STARD9: variants seen among roughly 807,000 people sequenced by gnomAD.
STARD9 encodes stAR-related lipid transfer protein 9.
A neutral mutation model predicts 399.8 loss-of-function variants in STARD9; 346 were observed. The observed-to-expected ratio is 0.87, with a 90% CI of 0.79 to 0.95. STARD9 has a LOEUF of 0.95. Among genes scored for constraint, STARD9 ranks in the 40% least tolerant of loss-of-function variants. The pLI, the probability that STARD9 is intolerant of heterozygous loss-of-function variation, is 0.00. For missense variants in STARD9, 5,832 were observed against 5,667.5 expected (o/e 1.03, Z -0.93); for synonymous variants, 2,203 against 2,143.5 (o/e 1.03, Z -0.77).
At position 42,694,621 on chromosome 15, in the gene STARD9, G is replaced by T. The variant is rs1454760800; in HGVS notation, c.12858G>T (p.Leu4286=). 2.6e-6 allele frequency: 4 copies of T among 1,537,220 alleles called. No homozygotes were observed. The East Asian group carries it at 9.8e-5, about 38-fold the overall frequency. ...RTRSLSPQKQ[L]SLLPNKDLFI... is the part of the protein sequence containing the mutation. ...GAAGCCTTAGCCCTCAGAAACAACT[G>T]AGCCTCCTGCCCAACAAAGATCTCT... Residue 4286 remains leucine, a synonymous_variant, in exon 24 of 33, where the codon CTG becomes CTT. Transcript: ENST00000290607.
chr15:42,614,305 C>CA lies in STARD9; in HGVS notation c.235-20537dup, dbSNP rs542999101. The stretch of plus-strand genomic sequence containing the variant: ...CAGCCTGGTGACAGAGCGAGACTGT[C>CA]AAAAAAAAAAAAAATTATAAGAAGG... On this transcript the variant is annotated intron_variant, in intron 3 of 32. Transcript: ENST00000290607. Among the ~76,000 whole-genome samples, 647 of 107,532 alleles carry CA rather than the reference C, an allele frequency of 6.0e-3. 2 individuals carry two copies. The highest frequency in any genetic ancestry group is 0.031 in the South Asian group (111 of 3,590). The allele number at this position is 107,532 out of a possible 152,430, so 70.5% of individuals were successfully genotyped here. A position where few individuals can be genotyped will look rare whatever the true frequency, so the allele number is the denominator to read the frequency against.
At chr15:42,638,232 G>A (rs2059456602) in intron 6 of STARD9, 145 bp downstream of exon 6, 1 of 729,562 alleles carries the variant, frequency 1.4e-6, no homozygotes, top group East Asian at 2.7e-5. Flanking sequence ...TACAAGAGCT[G>A]AGAAAGATAC....
In STARD9 at chr15:42,688,430, C is replaced by CA. The variant is rs2060613256; in HGVS notation, c.6853dup (p.Ser2285LysfsTer7). 1 of 1,537,580 alleles carries CA rather than the reference C, an allele frequency of 6.5e-7. No homozygotes were observed. The highest frequency in any genetic ancestry group is 8.7e-7 in the Non-Finnish European group (1 of 1,147,036). On this transcript the variant is annotated frameshift_variant, in exon 23 of 33. Transcript: ENST00000290607. LOFTEE classifies it high-confidence loss of function. ...AAGAAATGCCTATGCAAAGGGGAGG[C>CA]AGCCTTCAGGAAGAAAATAAAGTGA...
At position 42,718,788 on chromosome 15, in the gene STARD9, G is replaced by A. The variant is rs1267994681; in HGVS notation, c.13879G>A (p.Asp4627Asn). 6.5e-7 allele frequency: 1 copy of A among 1,537,272 alleles called. No homozygotes were observed. Among genetic ancestry groups the A allele is most frequent in the South Asian group, 1.2e-5 (1 of 84,068 alleles). ...TGTCATGGCAGCCCAGTCTGTGTAT[G>A]ATACATCCATGCCAAGACCCAGCAG... The part of the protein sequence containing the change: ...LSVMAAQSVY[D>N]TSMPRPSRKM... The change falls in exon 32 of 33, where the codon GAT becomes AAT. Residue 4627 changes from aspartate (D) to asparagine (N), a missense_variant. This residue lies in a region of STARD9 where 5,828 missense variants were observed against 5,651.1 expected (regional missense o/e 1.03). Transcript: ENST00000290607.
chr15:42,685,269 C>T lies in STARD9; in HGVS notation c.3691C>T (p.Pro1231Ser), dbSNP rs1041552681. ...EPFPGSADEIPTETFWHLEDS... is the reference protein window; with the variant it reads ...EPFPGSADEISTETFWHLEDS... ...TTTCCCTGGTTCAGCTGACGAGATA[C>T]CCACAGAGACTTTTTGGCACCTGGA... is the stretch of plus-strand genomic sequence containing the variant. Residue 1231 changes from proline to serine, a missense_variant, in exon 23 of 33, where the codon CCC becomes TCC. Coordinates refer to ENST00000290607, the MANE Select transcript of STARD9 (RefSeq NM_020759.3). 29 of 1,537,392 alleles carry T rather than the reference C, an allele frequency of 1.9e-5. No homozygotes were observed. The highest frequency in any genetic ancestry group is 2.4e-5 in the Non-Finnish European group (27 of 1,146,990).
At chr15:42,640,311 A>G (rs1029354292) in intron 7 of STARD9, among the ~76,000 whole-genome samples, 2 of 152,210 alleles carry the variant, frequency 1.3e-5, no homozygotes, top group Admixed American at 6.5e-5. Context: ...GGATGACGCA[A>G]TAGGTATGCT....
chr15:42,626,447 C>T (rs1299991676), intron 3 of STARD9, among the ~76,000 whole-genome samples: 1 of 149,742 alleles, frequency 6.7e-6, no homozygotes, highest in Admixed American at 6.7e-5. Flanking sequence ...CCTTCTCCTC[C>T]TCCTCTTCCT....
chr15:42,643,680 T>A (rs538454364), intron 7 of STARD9, among the ~76,000 whole-genome samples: 5 of 152,168 alleles, frequency 3.3e-5, no homozygotes, highest in Admixed American at 2.0e-4. Context: ...TTTTGTATTT[T>A]AGTAGAGGTG....
intron 29 of STARD9, 51 bp from the exon 30 acceptor site, chr15:42,717,926 G>A: frequency 1.3e-6 from 2 of 1,523,580 alleles, no homozygotes; most frequent in Non-Finnish European, 1.8e-6. Context: ...GTGACCCTTA[G>A]AGCCCATTTT....
At chr15:42,588,776 GTTTTTTTTTTTTTT>G (rs758570571) in intron 3 of STARD9, among the ~76,000 whole-genome samples, 9 of 38,404 alleles carry the variant, frequency 2.3e-4, no homozygotes, top group African/African-American at 1.1e-3. Context: ...TCTTCACAGC[GTTTTTTTTTTTTTT>G]TTTTTTTTTT....
intron 3 of STARD9, among the ~76,000 whole-genome samples, chr15:42,599,081 G>A (rs2058572878): frequency 1.3e-5 from 2 of 152,014 alleles, no homozygotes; most frequent in East Asian, 1.9e-4. Context: ...CCACCACCAT[G>A]CCTGGCTAAT....
intron 1 of STARD9, among the ~76,000 whole-genome samples, chr15:42,580,509 G>A (rs1440850651): frequency 6.6e-6 from 1 of 152,132 alleles, no homozygotes; most frequent in Non-Finnish European, 1.5e-5. Context: ...GGGTATGAGG[G>A]TGGCTCTCAA....
Position 42,692,857 on chromosome 15 carries a change from T to A in STARD9, c.11279T>A (p.Ile3760Asn). 1 of 1,537,186 alleles carries A rather than the reference T, an allele frequency of 6.5e-7. No homozygotes were observed. Among genetic ancestry groups the A allele is most frequent in the Non-Finnish European group, 8.7e-7 (1 of 1,146,904 alleles). Residue 3760 changes from isoleucine to asparagine, a missense_variant, in exon 23 of 33, where the codon ATC (isoleucine) becomes AAC (asparagine). Ile to Asn is a moderately radical substitution (Grantham distance 149). This residue lies in a region of STARD9 where 5,828 missense variants were observed against 5,651.1 expected (regional missense o/e 1.03). Transcript: ENST00000290607. ...GCTGAACCTCAGGGAGCCAATGTGA[T>A]CCTTGAAGGGCTAGGCTCAGATACC... Reference protein sequence around the residue: ...SEAEPQGANVILEGLGSDTST... With the variant: ...SEAEPQGANVNLEGLGSDTST...
Position 42,634,913 on chromosome 15 carries a change from T to C in STARD9, c.292T>C (p.Cys98Arg), listed in dbSNP as rs1566891409. The C allele has an allele frequency of 2.6e-6, 4 of 1,537,140 alleles. No individual in the cohort carries two copies. Among genetic ancestry groups the C allele is most frequent in the East Asian group, 2.4e-5 (1 of 40,890 alleles). Residue 98 changes from cysteine (C) to arginine (R), a missense_variant, in exon 4 of 33, where the codon TGC (cysteine) becomes CGC (arginine). By Grantham distance (180) the Cys-to-Arg change is radical (BLOSUM62 -3). Coordinates refer to ENST00000290607, the MANE Select transcript of STARD9 (RefSeq NM_020759.3). ...TGGAGTTGCCAAAGGCTATAACATATGCCTTTTTGCTTATGGACAGACAGG... is the reference window on the plus strand; with the variant it reads ...TGGAGTTGCCAAAGGCTATAACATACGCCTTTTTGCTTATGGACAGACAGG... ...LSGVAKGYNI[C>R]LFAYGQTGSG...
intron 26 of STARD9, among the ~76,000 whole-genome samples, chr15:42,710,105 G>A (rs148562256): frequency 1.4e-5 from 2 of 148,006 alleles, no homozygotes; most frequent in African/African-American, 5.1e-5. Context: ...TGTTGCCCAG[G>A]CTAGAGTGCA....
intron 3 of STARD9, among the ~76,000 whole-genome samples, chr15:42,612,634 G>C (rs756135004): frequency 2.0e-4 from 31 of 152,150 alleles, no homozygotes; most frequent in Non-Finnish European, 3.4e-4. Flanking sequence ...GATCTCACAT[G>C]CTACTCGGAC....
chr15:42,691,428 G>A lies in STARD9; in HGVS notation c.9850G>A (p.Ala3284Thr), dbSNP rs1044796344. 1 of 1,537,242 alleles carries A rather than the reference G, an allele frequency of 6.5e-7. No individual in the cohort carries two copies. The highest frequency in any genetic ancestry group is 2.0e-5 in the Admixed American group (1 of 51,010). The change falls in exon 23 of 33, where the codon GCT becomes ACT. Residue 3284 changes from alanine to threonine, a missense_variant. Physicochemically the swap from Ala to Thr is moderately conservative, Grantham distance 58. Around this residue, in one of 2 missense-constraint regions of STARD9, gnomAD observed 5,828 missense variants for 5,651.1 expected, o/e 1.03. Coordinates refer to ENST00000290607, the MANE Select transcript of STARD9 (RefSeq NM_020759.3). ...SLRQNETPQP[A>T]AQRSGHLYTG... is the part of the protein sequence containing the mutation. ...GAGGCAAAATGAAACACCGCAGCCT[G>A]CTGCTCAGAGGAGTGGCCACCTCTA...
chr15:42,692,679 C>T lies in STARD9; in HGVS notation c.11101C>T (p.Pro3701Ser). The change falls in exon 23 of 33, where the codon CCA (proline) becomes TCA (serine). Residue 3701 changes from proline to serine, a missense_variant. Around this residue, in one of 2 missense-constraint regions of STARD9, gnomAD observed 5,828 missense variants for 5,651.1 expected, o/e 1.03. Coordinates refer to ENST00000290607, the MANE Select transcript of STARD9 (RefSeq NM_020759.3). ...AGAGCTGCTTGGGAGTCTCTCCCAG[C>T]CAGATGTGGCCAGAAGGGAGCAGAA... ...TSELLGSLSQ[P>S]DVARREQNTK... 1 of 1,537,158 alleles carries T rather than the reference C, an allele frequency of 6.5e-7. No individual in the cohort carries two copies. Among genetic ancestry groups the T allele is most frequent in the Non-Finnish European group, 8.7e-7 (1 of 1,146,890 alleles).
chr15:42,602,891 G>A (rs2058656371), intron 3 of STARD9, among the ~76,000 whole-genome samples: 1 of 152,194 alleles, frequency 6.6e-6, no homozygotes, highest in Non-Finnish European at 1.5e-5. Context: ...CTTAGGCGTG[G>A]AAAGTCTAGG....
Sources: gnomAD v4.1 joint callset for allele counts (sites outside exome capture counted in the v4.1 genomes callset) on GRCh38, gnomAD v4.1.1 for gene constraint, gnomAD v4.1.1 regional missense constraint, MANE v1.5 for transcripts, NCBI Gene and HGNC (gene_info 2026-07-23, HGNC 2026-07-21) for gene names.